FRMD3: variants seen among roughly 807,000 people sequenced by gnomAD.
FRMD3 encodes the protein FERM domain containing 3, also known as FERM domain-containing protein 3.
FRMD3 carries 33 observed loss-of-function variants against 70.2 expected under a neutral mutation model. That is an observed-to-expected ratio of 0.47 (90% confidence interval 0.36 to 0.63). The LOEUF (loss-of-function observed/expected upper bound fraction) is 0.63. FRMD3 is among the 20% of genes least tolerant of loss of function. The pLI, the probability that FRMD3 is intolerant of heterozygous loss-of-function variation, is 0.00. For missense variants in FRMD3, 632 were observed against 711.4 expected (o/e 0.89, Z 1.27); for synonymous variants, 279 against 255.9 (o/e 1.09, Z -0.86).
intron 3 of FRMD3, among the ~76,000 whole-genome samples, chr9:83,366,756 A>G (rs1824800300): frequency 6.6e-6 from 1 of 152,240 alleles, no homozygotes; most frequent in African/African-American, 2.4e-5. Flanking sequence ...TTTCATGCTA[A>G]TATAATTTGA....
At chr9:83,499,506 T>C (rs910470327) in intron 1 of FRMD3, among the ~76,000 whole-genome samples, 1 of 152,222 alleles carries the variant, frequency 6.6e-6, no homozygotes, top group African/African-American at 2.4e-5. Flanking sequence ...CACTCCTGCC[T>C]ACCTGTGCAG....
At chr9:83,310,686 T>A (rs922501927) in intron 8 of FRMD3, 138 bp from the exon 9 acceptor site, 1 of 661,126 alleles carries the variant, frequency 1.5e-6, no homozygotes, top group East Asian at 2.6e-5. Flanking sequence ...GAAGGTCTAA[T>A]GGGCAGTGAA....
At chr9:83,261,054 G>T (rs1398757906) in intron 13 of FRMD3, among the ~76,000 whole-genome samples, 2 of 148,816 alleles carry the variant, frequency 1.3e-5, no homozygotes, top group Non-Finnish European at 1.5e-5. Flanking sequence ...AAAAACCTAT[G>T]AAGAGTCATT....
At chr9:83,519,411 T>C (rs1338210384) in intron 1 of FRMD3, among the ~76,000 whole-genome samples, 4 of 152,298 alleles carry the variant, frequency 2.6e-5, no homozygotes, top group Admixed American at 1.3e-4. Flanking sequence ...TCACTGGTCA[T>C]TAGAGAAATG....
intron 1 of FRMD3, among the ~76,000 whole-genome samples, chr9:83,536,025 T>C (rs1829884670): frequency 6.6e-6 from 1 of 152,240 alleles, no homozygotes; most frequent in African/African-American, 2.4e-5. Context: ...TGGAGTACTC[T>C]AGGAAAGTGT....
chr9:83,426,145 C>T (rs574793927), intron 1 of FRMD3, among the ~76,000 whole-genome samples: 1 of 152,092 alleles, frequency 6.6e-6, no homozygotes, highest in Non-Finnish European at 1.5e-5. Context: ...AAAACTAACC[C>T]CCAACTCTCA....
intron 1 of FRMD3, among the ~76,000 whole-genome samples, chr9:83,490,788 TCTCTCTCTCTCACACA>T (rs893959950): frequency 4.1e-5 from 5 of 121,736 alleles, no homozygotes; most frequent in Admixed American, 3.2e-4. Flanking sequence ...TCTCTCTCTC[TCTCTCTCTCTCACACA>T]CACACACACA....
chr9:83,290,807 A>G, intron 12 of FRMD3, 80 bp from the exon 13 acceptor site: 8 of 1,486,712 alleles, frequency 5.4e-6, no homozygotes, highest in Non-Finnish European at 7.3e-6. Flanking sequence ...TGCCCAAGCT[A>G]CCATTTTGTG....
intron 1 of FRMD3, among the ~76,000 whole-genome samples, chr9:83,480,291 G>T (rs774404310): frequency 1.3e-5 from 2 of 152,048 alleles, no homozygotes; most frequent in Non-Finnish European, 1.5e-5. Context: ...CTGCAGCATT[G>T]TGACTGAATT....
intron 1 of FRMD3, among the ~76,000 whole-genome samples, chr9:83,515,682 T>G (rs11795151): frequency 6.6e-6 from 1 of 151,662 alleles, no homozygotes; most frequent in Admixed American, 6.6e-5. Context: ...TTCACCAAGG[T>G]TGAAATAAAG....
intron 1 of FRMD3, among the ~76,000 whole-genome samples, chr9:83,533,698 A>G (rs1829834218): frequency 1.3e-5 from 2 of 152,212 alleles, no homozygotes; most frequent in Admixed American, 6.5e-5. Flanking sequence ...TCTAAATATC[A>G]GGGACTCTGC....
intron 13 of FRMD3, among the ~76,000 whole-genome samples, chr9:83,256,017 A>T (rs912786464): frequency 6.6e-6 from 1 of 152,310 alleles, no homozygotes; most frequent in Non-Finnish European, 1.5e-5. Flanking sequence ...ATTAAACAAA[A>T]ATATTTTAAA....
intron 13 of FRMD3, among the ~76,000 whole-genome samples, chr9:83,258,264 G>T (rs1291670915): frequency 2.0e-5 from 3 of 152,200 alleles, no homozygotes. Context: ...AAAATATAGA[G>T]ACCTTTTCAG....
chr9:83,396,292 A>G (rs1395275796), intron 1 of FRMD3, among the ~76,000 whole-genome samples: 1 of 152,234 alleles, frequency 6.6e-6, no homozygotes, highest in Non-Finnish European at 1.5e-5. Flanking sequence ...GTTACCCACA[A>G]CAACACCAGG....
intron 1 of FRMD3, among the ~76,000 whole-genome samples, chr9:83,411,554 T>G (rs1255169829): frequency 6.6e-6 from 1 of 152,242 alleles, no homozygotes; most frequent in Non-Finnish European, 1.5e-5. Flanking sequence ...ATGACTCTGC[T>G]GGATACTCCT....
chr9:83,294,235 A>G (rs1036536556), intron 12 of FRMD3, among the ~76,000 whole-genome samples: 2 of 152,332 alleles, frequency 1.3e-5, no homozygotes, highest in African/African-American at 4.8e-5. Context: ...GGCACCATCT[A>G]TGAGGAAGCA....
At chr9:83,479,700 G>GAAAGAA (rs1345082913) in intron 1 of FRMD3, among the ~76,000 whole-genome samples, 1 of 71,140 alleles carries the variant, frequency 1.4e-5, no homozygotes, top group African/African-American at 7.4e-5. Context: ...AAGAAAGAAA[G>GAAAGAA]AAAGAAAGAA....
intron 13 of FRMD3, among the ~76,000 whole-genome samples, chr9:83,289,517 G>A (rs2209188): frequency 6.6e-6 from 1 of 152,012 alleles, no homozygotes; most frequent in Non-Finnish European, 1.5e-5. Context: ...TTTTTTATGT[G>A]TCACTGCAAA....
chr9:83,359,166 C>G (rs1824502156), intron 3 of FRMD3, among the ~76,000 whole-genome samples: 1 of 152,168 alleles, frequency 6.6e-6, no homozygotes, highest in Non-Finnish European at 1.5e-5. Flanking sequence ...TCATCTTCCT[C>G]TCGTTACAGT....
Sources: gnomAD v4.1 joint callset for allele counts (sites outside exome capture counted in the v4.1 genomes callset) on GRCh38, gnomAD v4.1.1 for gene constraint, MANE v1.5 for transcripts, NCBI Gene and HGNC (gene_info 2026-07-23, HGNC 2026-07-21) for gene names.